Variants in TMEM163 observed in about 807,000 individuals in gnomAD.
TMEM163 encodes transmembrane protein 163.
A neutral mutation model predicts 29.3 loss-of-function variants in TMEM163; 17 were observed. The ratio of observed to expected loss-of-function variants is 0.58; its 90% CI spans 0.40 to 0.87. The LOEUF (loss-of-function observed/expected upper bound fraction) is 0.87, where lower values mean the gene tolerates loss of function less well. Ranked by LOEUF, TMEM163 falls within the 40% of genes least tolerant of loss-of-function variation. TMEM163 has a pLI of 0.00. For synonymous variants in TMEM163, 157 were observed against 160.6 expected (o/e 0.98, Z 0.17); for missense variants, 303 against 381.5 (o/e 0.79, Z 1.71).
intron 2 of TMEM163, among the ~76,000 whole-genome samples, chr2:134,602,439 G>A (rs1014598665): frequency 3.3e-5 from 5 of 152,254 alleles, no homozygotes; most frequent in South Asian, 2.1e-4. Flanking sequence ...CCAAGTCACC[G>A]CTTGGAGGAT....
intron 4 of TMEM163, among the ~76,000 whole-genome samples, chr2:134,521,900 C>A (rs1210003485): frequency 6.6e-6 from 1 of 152,166 alleles, no homozygotes; most frequent in Non-Finnish European, 1.5e-5. Flanking sequence ...TCTGAGAAGA[C>A]AGATATTTAA....
intron 6 of TMEM163, among the ~76,000 whole-genome samples, chr2:134,464,615 G>A (rs922081578): frequency 1.3e-5 from 2 of 152,156 alleles, no homozygotes; most frequent in Admixed American, 6.5e-5. Context: ...AGCTGGGGGC[G>A]TCCTCTTGCC....
intron 4 of TMEM163, among the ~76,000 whole-genome samples, chr2:134,512,394 G>T (rs1216734984): frequency 6.6e-6 from 1 of 152,188 alleles, no homozygotes; most frequent in African/African-American, 2.4e-5. Context: ...GGGAGGTGGA[G>T]GTTGCTGTGA....
At chr2:134,487,578 T>G (rs1679341800) in intron 5 of TMEM163, among the ~76,000 whole-genome samples, 1 of 152,222 alleles carries the variant, frequency 6.6e-6, no homozygotes, top group South Asian at 2.1e-4. Flanking sequence ...ATATTACTAA[T>G]GCAATGTTAG....
intron 2 of TMEM163, among the ~76,000 whole-genome samples, chr2:134,686,799 T>A (rs191878275): frequency 2.0e-5 from 3 of 152,278 alleles, no homozygotes; most frequent in African/African-American, 7.2e-5. Context: ...GCAGAAGACA[T>A]GAGATTTTTG....
At chr2:134,664,071 A>C (rs1683818839) in intron 2 of TMEM163, among the ~76,000 whole-genome samples, 1 of 152,196 alleles carries the variant, frequency 6.6e-6, no homozygotes, top group East Asian at 1.9e-4. Flanking sequence ...TTTCATCTAG[A>C]TCATGTGTCC....
intron 2 of TMEM163, among the ~76,000 whole-genome samples, chr2:134,679,553 G>C (rs191912206): frequency 1.9e-3 from 295 of 152,308 alleles, no homozygotes; most frequent in African/African-American, 6.8e-3. Flanking sequence ...CAGTGCTCTG[G>C]GTTGGAAGGA....
At chr2:134,565,905 A>G (rs1681290874) in intron 2 of TMEM163, among the ~76,000 whole-genome samples, 1 of 152,226 alleles carries the variant, frequency 6.6e-6, no homozygotes, top group African/African-American at 2.4e-5. Context: ...GCAAATCCAC[A>G]GTGGTAGAAT....
intron 2 of TMEM163, among the ~76,000 whole-genome samples, chr2:134,633,894 G>A (rs1311968587): frequency 2.0e-5 from 3 of 149,064 alleles, no homozygotes; most frequent in Non-Finnish European, 4.4e-5. Flanking sequence ...CCCAGGAGGT[G>A]TAGGCTGCAG....
Position 134,585,118 on chromosome 2 carries a change from C to T in TMEM163, c.323-33027G>A, listed in dbSNP as rs531045681. Among the ~76,000 whole-genome samples, 38 of 152,332 alleles carry T rather than the reference C, an allele frequency of 2.5e-4. No individual in the cohort carries two copies. In the East Asian group the frequency reaches 4.2e-3, roughly 17 times the overall value. ...AGATCTTTATTAAATCTAACCATCA[C>T]ATTTCAACCCCACCTGGAAACAGGG... On this transcript the variant is annotated intron_variant, in intron 2 of 7. Coordinates refer to ENST00000281924, the MANE Select transcript of TMEM163 (RefSeq NM_030923.5).
At chr2:134,531,712 T>G (rs77771818) in intron 4 of TMEM163, among the ~76,000 whole-genome samples, 11,970 of 152,238 alleles carry the variant, frequency 0.079, 876 homozygotes, top group African/African-American at 0.19. Context: ...CCATGCCCTC[T>G]GGGGTGCACC....
At chr2:134,528,968 A>G (rs1198482643) in intron 4 of TMEM163, among the ~76,000 whole-genome samples, 1 of 152,214 alleles carries the variant, frequency 6.6e-6, no homozygotes, top group Non-Finnish European at 1.5e-5. Flanking sequence ...AGAAATGCTC[A>G]CTTTAGAAAG....
chr2:134,524,545 G>T (rs1472200130), intron 4 of TMEM163, among the ~76,000 whole-genome samples: 1 of 149,408 alleles, frequency 6.7e-6, no homozygotes, highest in Non-Finnish European at 1.5e-5. Context: ...CTACCCATAG[G>T]CCCCAGTGTG....
At chr2:134,488,494 G>T (rs1679362735) in intron 5 of TMEM163, among the ~76,000 whole-genome samples, 1 of 152,218 alleles carries the variant, frequency 6.6e-6, no homozygotes, top group Non-Finnish European at 1.5e-5. Context: ...ACTTACACCA[G>T]TGAACTGCCA....
intron 5 of TMEM163, among the ~76,000 whole-genome samples, chr2:134,500,642 TA>T (rs112559247): frequency 0.14 from 20,049 of 144,918 alleles, 1,648 homozygotes; most frequent in Middle Eastern, 0.3. Flanking sequence ...GATTCTGCCA[TA>T]AAAAAAAAAA....
At chr2:134,517,350 G>A (rs1574198958) in intron 4 of TMEM163, among the ~76,000 whole-genome samples, 1 of 152,310 alleles carries the variant, frequency 6.6e-6, no homozygotes, top group East Asian at 1.9e-4. Flanking sequence ...GAAGGCTGAT[G>A]GGGAGATGGG....
chr2:134,559,487 A>C (rs1447899697), intron 2 of TMEM163, among the ~76,000 whole-genome samples: 1 of 152,218 alleles, frequency 6.6e-6, no homozygotes, highest in Non-Finnish European at 1.5e-5. Context: ...TGACTTCTAC[A>C]GACAACCCTG....
chr2:134,533,596 C>G (rs1021631672), intron 4 of TMEM163, among the ~76,000 whole-genome samples: 12 of 152,178 alleles, frequency 7.9e-5, no homozygotes, highest in African/African-American at 2.7e-4. Context: ...TAAAGAAACA[C>G]AGGGCCTTCC....
intron 4 of TMEM163, among the ~76,000 whole-genome samples, chr2:134,526,015 A>T (rs1680286603): frequency 6.6e-6 from 1 of 152,224 alleles, no homozygotes; most frequent in Non-Finnish European, 1.5e-5. Flanking sequence ...GAGGGTATAG[A>T]GAACACAGCT....
Sources: gnomAD v4.1 joint callset for allele counts (sites outside exome capture counted in the v4.1 genomes callset) on GRCh38, gnomAD v4.1.1 for gene constraint, MANE v1.5 for transcripts, NCBI Gene and HGNC (gene_info 2026-07-23, HGNC 2026-07-21) for gene names.